Variants in FOXP1 observed in about 807,000 individuals in gnomAD.
The protein encoded by FOXP1 is forkhead box P1.
Under a neutral mutation model 98.2 loss-of-function variants are expected in FOXP1, and 15 were observed. The observed-to-expected ratio is 0.15, with a 90% CI of 0.10 to 0.24. FOXP1 has a LOEUF of 0.24. FOXP1 is among the 10% of genes least tolerant of loss of function. The pLI is 1.00. For missense variants in FOXP1, 633 were observed against 848.5 expected, an observed-to-expected ratio of 0.75 and a Z score of 3.15; for synonymous variants, 371 against 314.5, an observed-to-expected ratio of 1.18 and a Z score of -1.90.
intron 3 of FOXP1, among the ~76,000 whole-genome samples, chr3:71,418,002 A>G (rs1024844315): frequency 3.4e-5 from 5 of 148,114 alleles, no homozygotes; most frequent in Admixed American, 2.1e-4. Context: ...TCCTTCCCTC[A>G]TGAGTGCTTT....
At chr3:71,353,693 A>G (rs1471650261) in intron 4 of FOXP1, among the ~76,000 whole-genome samples, 1 of 152,190 alleles carries the variant, frequency 6.6e-6, no homozygotes, top group Non-Finnish European at 1.5e-5. Context: ...AGTCGTGTAA[A>G]TAAGAGTATA....
intron 7 of FOXP1, among the ~76,000 whole-genome samples, chr3:71,086,581 C>T (rs1398121988): frequency 1.3e-5 from 2 of 152,126 alleles, no homozygotes; most frequent in African/African-American, 4.8e-5. Context: ...CGGCTCCCAT[C>T]CCAGGCTAGA....
chr3:71,083,663 A>T (rs532254080), intron 7 of FOXP1, among the ~76,000 whole-genome samples: 1 of 152,284 alleles, frequency 6.6e-6, no homozygotes, highest in South Asian at 2.1e-4. Context: ...GCAAGGGAAA[A>T]ACTTGACAAA....
rs188906355 is a variant in FOXP1, at chr3:71,241,429, G to A, written c.-11-43037C>T. ...GGCGTCTCAAATTACTTTAACAGGG[G>A]GCCCTGTCATATCCCATGGAAAGGA... On this transcript the variant is annotated intron_variant, in intron 5 of 20. Transcript: ENST00000649528. Among the ~76,000 whole-genome samples, 10 of 152,118 alleles carry A rather than the reference G, an allele frequency of 6.6e-5. No homozygotes were observed. In the East Asian group the frequency reaches 1.9e-3, roughly 29 times the overall value.
chr3:71,071,200 C>T (rs990726207), intron 7 of FOXP1, among the ~76,000 whole-genome samples: 3 of 152,048 alleles, frequency 2.0e-5, no homozygotes, highest in African/African-American at 7.2e-5. Context: ...TAGTGGGGAG[C>T]GGGTGGGAGA....
intron 6 of FOXP1, among the ~76,000 whole-genome samples, chr3:71,184,675 A>G (rs2108300835): frequency 6.6e-6 from 1 of 152,332 alleles, no homozygotes; most frequent in African/African-American, 2.4e-5. Context: ...AACATCAACT[A>G]ATCATAGAAA....
intron 12 of FOXP1, among the ~76,000 whole-genome samples, chr3:71,012,266 G>T (rs1348711959): frequency 6.6e-6 from 1 of 152,060 alleles, no homozygotes; most frequent in Non-Finnish European, 1.5e-5. Flanking sequence ...AAAAAACTCA[G>T]AATTTAAAAG....
At position 71,198,233 on chromosome 3, in the gene FOXP1, T is replaced by C. The variant is rs1288950812; in HGVS notation, c.149A>G (p.Asp50Gly). The change falls in exon 6 of 21, where the codon GAC becomes GGC. Residue 50 changes from aspartate (D) to glycine (G), a missense_variant. Around this residue, in one of 6 missense-constraint regions of FOXP1, gnomAD observed 103 missense variants for 85.5 expected, o/e 1.20. Transcript: ENST00000649528. The stretch of plus-strand genomic sequence containing the variant: ...CTGCTGCTGCTGGGCGTGGGCGAGG[T>C]CAGCTGCCCCGATGTCCACGGCCGG... ...ETPAVDIGAA[D>G]LAHAQQQQQQ... The C allele has an allele frequency of 3.1e-6, 5 of 1,613,900 alleles. No individual in the cohort carries two copies. In the Admixed American group the frequency reaches 6.7e-5, roughly 22 times the overall value.
intron 11 of FOXP1, among the ~76,000 whole-genome samples, chr3:71,017,246 T>C (rs1429143335): frequency 1.3e-5 from 2 of 151,908 alleles, no homozygotes; most frequent in African/African-American, 2.4e-5. Context: ...ATGAATAAAA[T>C]AGAAATGCAA....
chr3:71,505,525 A>G (rs938555398), intron 2 of FOXP1, among the ~76,000 whole-genome samples: 8 of 149,690 alleles, frequency 5.3e-5, no homozygotes, highest in African/African-American at 2.0e-4. Flanking sequence ...TCCCAGGTTC[A>G]AGCGATTCTC....
At chr3:70,996,500 A>G (rs1458342898) in intron 13 of FOXP1, among the ~76,000 whole-genome samples, 1 of 152,202 alleles carries the variant, frequency 6.6e-6, no homozygotes, top group Non-Finnish European at 1.5e-5. Flanking sequence ...ACTATCCCCT[A>G]TGGCTAACAG....
At chr3:71,128,844 T>C (rs2059392034) in intron 6 of FOXP1, among the ~76,000 whole-genome samples, 2 of 151,952 alleles carry the variant, frequency 1.3e-5, no homozygotes, top group Non-Finnish European at 2.9e-5. Context: ...GCCTGGCAAA[T>C]TCTCAGAAGG....
At chr3:70,997,378 G>A (rs953570679) in intron 13 of FOXP1, among the ~76,000 whole-genome samples, 40 of 152,270 alleles carry the variant, frequency 2.6e-4, no homozygotes, top group Middle Eastern at 6.8e-3. Context: ...GCTGAACTGC[G>A]GAGAAGGAGG....
intron 5 of FOXP1, among the ~76,000 whole-genome samples, chr3:71,210,002 CT>C (rs1215864198): frequency 1.3e-5 from 2 of 152,114 alleles, no homozygotes; most frequent in Non-Finnish European, 2.9e-5. Flanking sequence ...CAGCAAAACA[CT>C]GTCTGCTGGA....
chr3:71,546,733 G>C (rs548225599), intron 2 of FOXP1, among the ~76,000 whole-genome samples: 34 of 152,210 alleles, frequency 2.2e-4, no homozygotes, highest in Admixed American at 1.4e-3. Flanking sequence ...AGAGGCTCCT[G>C]GACAGTGAAG....
In FOXP1 at chr3:71,174,451, G is replaced by C. The variant is rs567270930; in HGVS notation, c.180+23751C>G. On this transcript the variant is annotated intron_variant, in intron 6 of 20. Coordinates refer to ENST00000649528, the MANE Select transcript of FOXP1 (RefSeq NM_001349338.3). ...CAAACAAACAAACAAAGGAAACCAG[G>C]AAAACACAGACATACATGTACATAG... is the stretch of plus-strand genomic sequence containing the variant. Among the ~76,000 whole-genome samples the C allele has an allele frequency of 1.5e-3, 229 of 152,094 alleles. 2 individuals are homozygous for C. Among genetic ancestry groups the C allele is most frequent in the Non-Finnish European group, 1.2e-3 (84 of 67,984 alleles).
At chr3:71,446,248 T>G (rs980807545) in intron 3 of FOXP1, among the ~76,000 whole-genome samples, 6 of 152,156 alleles carry the variant, frequency 3.9e-5, no homozygotes, top group Non-Finnish European at 5.9e-5. Context: ...TTGATTTTTT[T>G]TAATATAACT....
chr3:71,056,810 A>C lies in FOXP1; in HGVS notation c.283-3037T>G, dbSNP rs559972273. On this transcript the variant is annotated intron_variant, in intron 7 of 20. Coordinates refer to ENST00000649528, the MANE Select transcript of FOXP1 (RefSeq NM_001349338.3). ...AATAGACCAGAAACTATGGTGGGGT[A>C]GAAAAGAAATTAAAAAAAAAAAATC... Among the ~76,000 whole-genome samples, 348 of 148,312 alleles carry C rather than the reference A, an allele frequency of 2.3e-3. 1 individual carries two copies. Among genetic ancestry groups the C allele is most frequent in the African/African-American group, 8.8e-3 (330 of 37,698 alleles).
chr3:71,342,821 C>T (rs1283061026), intron 4 of FOXP1, among the ~76,000 whole-genome samples: 1 of 152,140 alleles, frequency 6.6e-6, no homozygotes, highest in African/African-American at 2.4e-5. Context: ...ATCCAGTTTT[C>T]CCCAACGGTG....
Sources: gnomAD v4.1 joint callset for allele counts (sites outside exome capture counted in the v4.1 genomes callset) on GRCh38, gnomAD v4.1.1 for gene constraint, gnomAD v4.1.1 regional missense constraint, MANE v1.5 for transcripts, NCBI Gene and HGNC (gene_info 2026-07-23, HGNC 2026-07-21) for gene names.